The following USP4 variants were observed in gnomAD, a reference collection of about 807,000 sequenced individuals.
USP4 encodes the protein ubiquitin carboxyl-terminal hydrolase 4.
In USP4, 72 loss-of-function variants were observed where a neutral mutation model predicts 118.2. That is an observed-to-expected ratio of 0.61 (90% CI 0.50 to 0.74). The LOEUF (loss-of-function observed/expected upper bound fraction) is 0.74. Ranked by LOEUF, USP4 falls within the 30% of genes least tolerant of loss-of-function variation. The pLI, the probability that USP4 is intolerant of heterozygous loss-of-function variation, is 0.00. For synonymous variants in USP4, 415 were observed against 440.4 expected, an observed-to-expected ratio of 0.94 and a Z score of 0.72; for missense variants, 1,037 against 1,185.7, an observed-to-expected ratio of 0.87 and a Z score of 1.84.
chr3:49,305,586 G>T, intron 9 of USP4, 129 bp downstream of exon 9: 1 of 686,820 alleles, frequency 1.5e-6, no homozygotes, highest in Non-Finnish European at 2.2e-6. Flanking sequence ...GAATGGGGAT[G>T]CTGAACTAGT....
At chr3:49,330,258 C>G (rs1332948045) in intron 2 of USP4, among the ~76,000 whole-genome samples, 1 of 152,086 alleles carries the variant, frequency 6.6e-6, no homozygotes, top group Non-Finnish European at 1.5e-5. Flanking sequence ...TTTTAGTAGG[C>G]ATGAAACAAC....
Position 49,324,731 on chromosome 3 carries a change from G to A in USP4, c.666C>T (p.Gly222=). 6.2e-7 allele frequency: 1 copy of A among 1,614,184 alleles called. No homozygotes were observed. Among genetic ancestry groups the A allele is most frequent in the Non-Finnish European group, 8.5e-7 (1 of 1,180,008 alleles). Residue 222 remains glycine (G), a synonymous_variant, in exon 6 of 22, where the codon GGC becomes GGT. Transcript: ENST00000265560. ...VLVIEPQNED[G]TWPRQTLQSK... ...ACTGCAAGGTCTGCCTGGGCCATGT[G>A]CCATCTTCATTTTGAGGCTCAATTA...
chr3:49,281,491 T>TATATATAC (rs1242949530), intron 19 of USP4, among the ~76,000 whole-genome samples: 3 of 126,498 alleles, frequency 2.4e-5, no homozygotes, highest in African/African-American at 9.8e-5. Flanking sequence ...TATATATATA[T>TATATATAC]ACACACACAC....
chr3:49,333,063 AT>A (rs1216517327), intron 2 of USP4, among the ~76,000 whole-genome samples: 3 of 151,794 alleles, frequency 2.0e-5, no homozygotes, highest in South Asian at 2.1e-4. Context: ...AAAAAAAAAA[AT>A]AAATGAATAA....
chr3:49,317,984 C>T lies in USP4; in HGVS notation c.696-6330G>A, dbSNP rs1175128927. 5.3e-5 allele frequency among the ~76,000 whole-genome samples: 8 copies of T among 151,934 alleles called. No homozygotes were observed. In the South Asian group the frequency reaches 8.3e-4, roughly 16 times the overall value. ...CCAGGTAGCTGGGATTACAGGCACA[C>T]GCCACCACGCCTGGCTAATTTTTGC... On this transcript the variant is annotated intron_variant, in intron 6 of 21. Coordinates refer to ENST00000265560, the MANE Select transcript of USP4 (RefSeq NM_003363.4).
intron 8 of USP4, among the ~76,000 whole-genome samples, chr3:49,306,203 TTTTTTTG>T (rs1409213768): frequency 1.6e-4 from 24 of 149,428 alleles, no homozygotes; most frequent in African/African-American, 5.4e-4. Flanking sequence ...AAAAAGTGTT[TTTTTTTG>T]TTTTTTTTTT....
At chr3:49,284,363 T>G (rs1282250557) in intron 18 of USP4, 103 bp downstream of exon 18, 74 of 1,075,972 alleles carry the variant, frequency 6.9e-5, no homozygotes, top group Non-Finnish European at 9.0e-5. Context: ...TATAAAGAAG[T>G]GACACATCCA....
chr3:49,284,237 C>A, intron 18 of USP4, 101 bp from the exon 19 acceptor site: 1 of 1,491,934 alleles, frequency 6.7e-7, no homozygotes, highest in Non-Finnish European at 9.2e-7. Context: ...TAGCTGCCAT[C>A]CTCTCGGTCA....
At position 49,335,486 on chromosome 3, in the gene USP4, T is replaced by A. The variant is rs2047659491; in HGVS notation, c.212A>T (p.Asn71Ile). Reference protein sequence around the residue: ...EHNLFPGPIDNSGLFSDPESQ... With the variant: ...EHNLFPGPIDISGLFSDPESQ... ...TACTATACCTGAAAATAGCCCAGAG[T>A]TGTCTATTGGGCCAGGAAATAGGTT... Residue 71 changes from asparagine to isoleucine, a missense_variant, in exon 2 of 22, where the codon AAC becomes ATC. Coordinates refer to ENST00000265560, the MANE Select transcript of USP4 (RefSeq NM_003363.4). 6.2e-7 allele frequency: 1 copy of A among 1,613,932 alleles called. No homozygotes were observed. Among genetic ancestry groups the A allele is most frequent in the Non-Finnish European group, 8.5e-7 (1 of 1,180,020 alleles).
At chr3:49,317,378 G>T (rs1484671058) in intron 6 of USP4, 1 of 1,071,774 alleles carries the variant, frequency 9.3e-7, no homozygotes, top group South Asian at 1.3e-5. Context: ...TGCCAGCACA[G>T]CTCCTCCTGC....
At chr3:49,312,726 G>A (rs1231619820) in intron 6 of USP4, 33 of 288,896 alleles carry the variant, frequency 1.1e-4, no homozygotes, top group Admixed American at 3.6e-4. Context: ...ACCGGGAGGC[G>A]GAGGTTGCAG....
At chr3:49,318,466 GAAAC>G (rs999157417) in intron 6 of USP4, 2 of 985,332 alleles carry the variant, frequency 2.0e-6, no homozygotes, top group African/African-American at 3.5e-5. Flanking sequence ...GGGAAAGAGA[GAAAC>G]AGATGGAAAG....
At chr3:49,294,683 G>C (rs1575604582) in intron 13 of USP4, 85 bp from the exon 14 acceptor site, 1 of 1,337,734 alleles carries the variant, frequency 7.5e-7, no homozygotes, top group Admixed American at 2.0e-5. Context: ...TGGTGGCCAG[G>C]GCTATGATTA....
rs955028998 is a variant in USP4, at chr3:49,298,530, G to A, written c.1596+22C>T. The A allele has an allele frequency of 2.0e-5, 33 of 1,611,534 alleles. No homozygotes were observed. In the East Asian group the frequency reaches 7.4e-4, roughly 36 times the overall value. On this transcript the variant is annotated intron_variant, in intron 12 of 21. Coordinates refer to ENST00000265560, the MANE Select transcript of USP4 (RefSeq NM_003363.4). Reference sequence around the variant, plus strand: ...ATGAAGTATCCCAAATAGACCGAGTGCCACTGATCACCCCGCCTTACATTT... The same window carrying A: ...ATGAAGTATCCCAAATAGACCGAGTACCACTGATCACCCCGCCTTACATTT...
intron 20 of USP4, among the ~76,000 whole-genome samples, chr3:49,280,377 T>C (rs1429823482): frequency 2.7e-5 from 4 of 150,486 alleles, no homozygotes; most frequent in Admixed American, 6.6e-5. Flanking sequence ...CTGGCTAACA[T>C]GGTGAAACCC....
In USP4 at chr3:49,284,488, T is replaced by A; in HGVS notation, c.2368A>T (p.Thr790Ser). The change falls in exon 18 of 22, where the codon ACC becomes TCC. Residue 790 changes from threonine (T) to serine (S), a missense_variant. Transcript: ENST00000265560. The part of the protein sequence containing the change: ...DCIELFTTME[T>S]LGEHDPWYCP... ...TACCAGGGGTCATGCTCCCCAAGGG[T>A]CTCCATGGTGGTGAAGAGCTCGATG... The A allele has an allele frequency of 6.2e-7, 1 of 1,613,882 alleles. No homozygotes were observed. The highest frequency in any genetic ancestry group is 8.5e-7 in the Non-Finnish European group (1 of 1,180,012).
At chr3:49,320,228 T>C (rs2047484203) in intron 6 of USP4, among the ~76,000 whole-genome samples, 1 of 152,132 alleles carries the variant, frequency 6.6e-6, no homozygotes. Context: ...ACTCTTTTTT[T>C]CCAAGAGACA....
At chr3:49,317,110 T>C in intron 6 of USP4, 1 of 1,345,206 alleles carries the variant, frequency 7.4e-7, no homozygotes. Context: ...ACTACTTTTC[T>C]GGTCTGAGGC....
chr3:49,338,044 C>CAAAAA (rs57186354), intron 1 of USP4, among the ~76,000 whole-genome samples: 2 of 52,080 alleles, frequency 3.8e-5, no homozygotes, highest in Admixed American at 2.9e-4. Context: ...GACTTCGTCT[C>CAAAAA]AAAAAAAAAA....
Sources: allele counts gnomAD v4.1 joint callset (sites outside exome capture counted in the v4.1 genomes callset), GRCh38; gene constraint gnomAD v4.1.1; transcripts MANE v1.5; gene names NCBI Gene and HGNC (gene_info 2026-07-23, HGNC 2026-07-21).